PTPRD: variants seen among roughly 807,000 people sequenced by gnomAD.
The protein encoded by PTPRD is protein tyrosine phosphatase receptor type D.
Under a neutral mutation model 214.5 loss-of-function variants are expected in PTPRD, and 34 were observed. The observed-to-expected ratio is 0.16, with a 90% confidence interval of 0.12 to 0.21. PTPRD has a LOEUF of 0.21. Among genes scored for constraint, PTPRD ranks in the 10% least tolerant of loss-of-function variants. The pLI, the probability that PTPRD is intolerant of heterozygous loss-of-function variation, is 1.00. For missense variants in PTPRD, 2,545 were observed against 2,398.7 expected, an observed-to-expected ratio of 1.06 and a Z score of -1.27; for synonymous variants, 1,128 against 845.7, an observed-to-expected ratio of 1.33 and a Z score of -5.79.
intron 8 of PTPRD, among the ~76,000 whole-genome samples, chr9:9,456,067 G>T (rs1029411714): frequency 4.6e-5 from 7 of 151,768 alleles, no homozygotes; most frequent in Non-Finnish European, 1.0e-4. Flanking sequence ...ACTAATCCAA[G>T]CCTGAAATAT....
chr9:9,839,150 T>C (rs1398746735), intron 5 of PTPRD, among the ~76,000 whole-genome samples: 1 of 152,292 alleles, frequency 6.6e-6, no homozygotes, highest in East Asian at 1.9e-4. Flanking sequence ...ACCAGTACCA[T>C]GCTGTTTTGG....
intron 14 of PTPRD, among the ~76,000 whole-genome samples, chr9:8,541,264 C>T (rs1295668739): frequency 1.3e-5 from 2 of 152,290 alleles, no homozygotes; most frequent in East Asian, 3.9e-4. Flanking sequence ...GGGTCTTGCT[C>T]TGTCACCCAG....
At chr9:9,838,837 T>C (rs1309642308) in intron 5 of PTPRD, among the ~76,000 whole-genome samples, 1 of 152,174 alleles carries the variant, frequency 6.6e-6, no homozygotes, top group Non-Finnish European at 1.5e-5. Flanking sequence ...ATGAAGTCCT[T>C]GCCCATGCCT....
At chr9:8,449,630 T>A in intron 34 of PTPRD, 95 bp downstream of exon 34, 2 of 1,131,234 alleles carry the variant, frequency 1.8e-6, no homozygotes. Context: ...ACAAAATGGC[T>A]CAAAATAAAG....
chr9:9,234,470 A>G (rs904862652), intron 9 of PTPRD, among the ~76,000 whole-genome samples: 1 of 152,114 alleles, frequency 6.6e-6, no homozygotes, highest in African/African-American at 2.4e-5. Context: ...GGTGATTAAC[A>G]TTTGGTTCCT....
At chr9:10,162,053 G>C (rs1262516137) in intron 3 of PTPRD, among the ~76,000 whole-genome samples, 1 of 151,624 alleles carries the variant, frequency 6.6e-6, no homozygotes, top group African/African-American at 2.4e-5. Flanking sequence ...TGATGCTAGT[G>C]AGGATGTGGA....
At chr9:9,262,492 C>T (rs780013722) in intron 9 of PTPRD, among the ~76,000 whole-genome samples, 9 of 151,366 alleles carry the variant, frequency 5.9e-5, no homozygotes, top group Non-Finnish European at 1.2e-4. Flanking sequence ...TCAATAGTCA[C>T]ATGTAGCTAA....
intron 11 of PTPRD, among the ~76,000 whole-genome samples, chr9:9,009,929 G>A (rs989416569): frequency 6.6e-5 from 10 of 151,926 alleles, no homozygotes; most frequent in South Asian, 4.1e-4. Context: ...GTGCCTCTAC[G>A]GAGGGATCCT....
At chr9:8,691,210 C>A (rs2097793379) in intron 12 of PTPRD, among the ~76,000 whole-genome samples, 3 of 151,872 alleles carry the variant, frequency 2.0e-5, no homozygotes, top group Admixed American at 1.3e-4. Flanking sequence ...CGAGAAGGAC[C>A]TAAGGGAGAA....
At chr9:9,277,746 A>G (rs1285031901) in intron 9 of PTPRD, among the ~76,000 whole-genome samples, 1 of 151,342 alleles carries the variant, frequency 6.6e-6, no homozygotes, top group African/African-American at 2.4e-5. Flanking sequence ...TTTGAAGAAT[A>G]TTCCAGGCAT....
intron 5 of PTPRD, among the ~76,000 whole-genome samples, chr9:9,878,954 T>A (rs569871686): frequency 2.3e-4 from 35 of 152,284 alleles, no homozygotes; most frequent in Non-Finnish European, 2.5e-4. Flanking sequence ...ATTATAGGTT[T>A]TGAATGAATG....
chr9:9,565,496 T>A (rs1055408482), intron 8 of PTPRD, among the ~76,000 whole-genome samples: 4 of 151,938 alleles, frequency 2.6e-5, no homozygotes, highest in African/African-American at 9.7e-5. Context: ...GAATGCAGAA[T>A]GATGATGGAT....
intron 4 of PTPRD, among the ~76,000 whole-genome samples, chr9:10,030,851 T>G (rs1567194372): frequency 1.3e-5 from 2 of 152,208 alleles, no homozygotes; most frequent in Non-Finnish European, 2.9e-5. Context: ...TGTCATTTTA[T>G]TCACAAGCAA....
chr9:8,841,159 C>G (rs75396819), intron 11 of PTPRD, among the ~76,000 whole-genome samples: 2,618 of 152,240 alleles, frequency 0.017, 67 homozygotes, highest in African/African-American at 0.06. Context: ...AGATTTAGAT[C>G]TGTAATTACA....
intron 3 of PTPRD, among the ~76,000 whole-genome samples, chr9:10,218,183 C>A (rs999743984): frequency 6.6e-6 from 1 of 151,718 alleles, no homozygotes; most frequent in Non-Finnish European, 1.5e-5. Flanking sequence ...TTCTTTCTTA[C>A]GAATAGCGTC....
At chr9:9,179,172 T>C (rs1227143450) in intron 10 of PTPRD, among the ~76,000 whole-genome samples, 1 of 152,134 alleles carries the variant, frequency 6.6e-6, no homozygotes, top group African/African-American at 2.4e-5. Context: ...TTTAATAAAA[T>C]TCCAGACTAG....
At chr9:10,203,394 G>C (rs1007218509) in intron 3 of PTPRD, among the ~76,000 whole-genome samples, 1 of 152,008 alleles carries the variant, frequency 6.6e-6, no homozygotes, top group African/African-American at 2.4e-5. Flanking sequence ...TTATACTACA[G>C]TTTGTCAGCT....
At chr9:9,853,883 A>C (rs1394570600) in intron 5 of PTPRD, among the ~76,000 whole-genome samples, 8 of 152,148 alleles carry the variant, frequency 5.3e-5, no homozygotes, top group Non-Finnish European at 1.2e-4. Context: ...ATAACACATA[A>C]TTGTACATAT....
At position 8,521,512 on chromosome 9, in the gene PTPRD, G is replaced by A. The variant is rs1404552189; in HGVS notation, c.726C>T (p.Pro242=). 6.2e-7 allele frequency: 1 copy of A among 1,613,920 alleles called. No homozygotes were observed. Residue 242 remains proline (P), a synonymous_variant, in exon 20 of 46, where the codon CCC becomes CCT. Coordinates refer to ENST00000381196, the MANE Select transcript of PTPRD (RefSeq NM_002839.4). ...RRVPPRFSIP[P]TNHEIMPGGS... ...CGCCTGGCATGATTTCATGATTAGT[G>A]GGTGGGATAGAGAATCTTGGTGGGA...
Sources: allele counts gnomAD v4.1 joint callset (sites outside exome capture counted in the v4.1 genomes callset), GRCh38; gene constraint gnomAD v4.1.1; transcripts MANE v1.5; gene names NCBI Gene and HGNC (gene_info 2026-07-23, HGNC 2026-07-21).